POLDIP3: variants seen among roughly 807,000 people sequenced by gnomAD.
POLDIP3 encodes polymerase delta-interacting protein 3.
POLDIP3 carries 14 observed loss-of-function variants against 45.1 expected under a neutral mutation model. The observed-to-expected ratio is 0.31, with a 90% confidence interval of 0.20 to 0.49. The LOEUF (loss-of-function observed/expected upper bound fraction) is 0.49. Among genes scored for constraint, POLDIP3 ranks in the 20% least tolerant of loss-of-function variants. The pLI is 0.99. For synonymous variants in POLDIP3, 223 were observed against 205.2 expected (o/e 1.09, Z -0.74); for missense variants, 511 against 538.8 (o/e 0.95, Z 0.51).
At chr22:42,602,731 C>T (rs754330732) in intron 2 of POLDIP3, 39 bp downstream of exon 2, 17 of 1,553,580 alleles carry the variant, frequency 1.1e-5, no homozygotes, top group African/African-American at 2.7e-5. Context: ...ACCTTTGTTA[C>T]TAGCTTTCTG....
chr22:42,608,188 G>A (rs1221126688), intron 1 of POLDIP3, among the ~76,000 whole-genome samples: 1 of 151,944 alleles, frequency 6.6e-6, no homozygotes, highest in African/African-American at 2.4e-5. Flanking sequence ...AGACGTGGGA[G>A]ACTTCATTTT....
chr22:42,590,906 T>C (rs921578193), intron 7 of POLDIP3, among the ~76,000 whole-genome samples: 1 of 151,962 alleles, frequency 6.6e-6, no homozygotes, highest in Non-Finnish European at 1.5e-5. Context: ...ACCCTATCTC[T>C]ACTAAAAATA....
intron 4 of POLDIP3, among the ~76,000 whole-genome samples, chr22:42,597,259 G>A (rs183511754): frequency 9.2e-5 from 14 of 152,348 alleles, no homozygotes; most frequent in Admixed American, 2.0e-4. Flanking sequence ...GCTGATTTAG[G>A]GCAGTGTTTA....
chr22:42,589,455 A>G (rs1231884964), intron 7 of POLDIP3, among the ~76,000 whole-genome samples: 2 of 152,204 alleles, frequency 1.3e-5, no homozygotes, highest in East Asian at 3.8e-4. Context: ...TATGCAAGTA[A>G]CAACAGAACC....
chr22:42,587,990 T>C (rs946987768), intron 7 of POLDIP3, among the ~76,000 whole-genome samples: 1 of 152,202 alleles, frequency 6.6e-6, no homozygotes, highest in Non-Finnish European at 1.5e-5. Flanking sequence ...TCCCACTGTA[T>C]ACAAAGCATA....
At chr22:42,603,684 G>A (rs536539962) in intron 1 of POLDIP3, 1 of 154,344 alleles carries the variant, frequency 6.5e-6, no homozygotes, top group Admixed American at 6.4e-5. Flanking sequence ...ACCATCTACT[G>A]GGCTAAGACC....
intron 6 of POLDIP3, among the ~76,000 whole-genome samples, 190 bp downstream of exon 6, chr22:42,595,347 T>C (rs567542102): frequency 6.5e-4 from 99 of 152,294 alleles, no homozygotes; most frequent in African/African-American, 2.3e-3. Context: ...TTGTGCCTCG[T>C]TTCCCCCCGA....
chr22:42,600,297 T>C (rs1485576572), intron 3 of POLDIP3, among the ~76,000 whole-genome samples: 1 of 152,178 alleles, frequency 6.6e-6, no homozygotes, highest in African/African-American at 2.4e-5. Context: ...ATGCTTGAGT[T>C]ACAAAGTGAA....
At chr22:42,612,594 C>T (rs915487946) in intron 1 of POLDIP3, among the ~76,000 whole-genome samples, 4 of 152,154 alleles carry the variant, frequency 2.6e-5, no homozygotes, top group Non-Finnish European at 4.4e-5. Flanking sequence ...TTTGGGAGGC[C>T]GAGCGGGTTC....
intron 1 of POLDIP3, among the ~76,000 whole-genome samples, chr22:42,605,630 T>C (rs536343987): frequency 2.0e-5 from 3 of 152,272 alleles, no homozygotes; most frequent in African/African-American, 7.2e-5. Flanking sequence ...ATTCCTGTCC[T>C]ATTTTTTTAA....
chr22:42,593,472 A>G (rs1448907668), intron 6 of POLDIP3, among the ~76,000 whole-genome samples: 1 of 152,230 alleles, frequency 6.6e-6, no homozygotes, highest in Non-Finnish European at 1.5e-5. Context: ...ACTGGCACAT[A>G]GCAAGTACTC....
Position 42,584,679 on chromosome 22 carries a change from G to A in POLDIP3, c.*1112C>T, listed in dbSNP as rs1174586546. 5.7e-6 allele frequency: 2 copies of A among 353,052 alleles called. No homozygotes were observed. Among genetic ancestry groups the A allele is most frequent in the East Asian group, 7.8e-5 (1 of 12,892 alleles). The allele number at this position is 353,052 out of a possible 1,614,324, so 21.9% of individuals were successfully genotyped here. On this transcript the variant is annotated 3_prime_UTR_variant, in exon 9 of 9. Coordinates refer to ENST00000252115, the MANE Select transcript of POLDIP3 (RefSeq NM_032311.5). ...CTGGGGAAACACCTTGCCTGGTAGA[G>A]CTGCCCTGCTCCCTTGACTCCTCCT... is the stretch of plus-strand genomic sequence containing the variant.
At chr22:42,601,942 C>G (rs1419269382) in intron 3 of POLDIP3, 28 bp downstream of exon 3, 9 of 1,598,336 alleles carry the variant, frequency 5.6e-6, no homozygotes, top group Non-Finnish European at 7.7e-6. Context: ...CACAGATTCT[C>G]TCTCTCTCTC....
At chr22:42,614,597 C>T (rs1464376539) in intron 1 of POLDIP3, among the ~76,000 whole-genome samples, 1 of 152,094 alleles carries the variant, frequency 6.6e-6, no homozygotes, top group Non-Finnish European at 1.5e-5. Flanking sequence ...CTCCCAGGGC[C>T]GCCAGAGGGA....
intron 3 of POLDIP3, among the ~76,000 whole-genome samples, 188 bp from the exon 4 acceptor site, chr22:42,599,981 G>A (rs1569300821): frequency 1.3e-5 from 2 of 152,126 alleles, no homozygotes; most frequent in Admixed American, 6.5e-5. Context: ...TGTCAGCAAG[G>A]ACCCAGTGAA....
chr22:42,587,853 A>G (rs1192065521), intron 7 of POLDIP3, among the ~76,000 whole-genome samples: 2 of 152,236 alleles, frequency 1.3e-5, no homozygotes, highest in African/African-American at 4.8e-5. Flanking sequence ...AACGAGACTC[A>G]ATGTGAAGCC....
intron 4 of POLDIP3, among the ~76,000 whole-genome samples, chr22:42,597,277 T>C (rs550969029): frequency 1.2e-4 from 18 of 152,346 alleles, no homozygotes; most frequent in African/African-American, 3.4e-4. Context: ...TTACAGGCAC[T>C]GACCCAGGGC....
At chr22:42,600,625 C>CA (rs531768394) in intron 3 of POLDIP3, among the ~76,000 whole-genome samples, 6,065 of 122,048 alleles carry the variant, frequency 0.05, 141 homozygotes, top group African/African-American at 0.076. Flanking sequence ...GACTCGGTCT[C>CA]AAAAAAAAAA....
rs756770568 is a variant in POLDIP3, at chr22:42,596,253, G to A, written c.746C>T (p.Ala249Val). Residue 249 changes from alanine (A) to valine (V), a missense_variant, in exon 5 of 9, where the codon GCC becomes GTC. Transcript: ENST00000252115. ...CAGTGTCCGGGACATGTTGGTCAAGGCTTTTGTTCGAATAGAGGAAGGGAG... is the reference window on the plus strand; with the variant it reads ...CAGTGTCCGGGACATGTTGGTCAAGACTTTTGTTCGAATAGAGGAAGGGAG... ...PALPSSIRTKALTNMSRTLVN... is the reference protein window; with the variant it reads ...PALPSSIRTKVLTNMSRTLVN... 1 of 1,614,214 alleles carries A rather than the reference G, an allele frequency of 6.2e-7. No individual in the cohort carries two copies. The highest frequency in any genetic ancestry group is 1.3e-5 in the African/African-American group (1 of 75,052).
Sources: allele counts gnomAD v4.1 joint callset (sites outside exome capture counted in the v4.1 genomes callset), GRCh38; gene constraint gnomAD v4.1.1; transcripts MANE v1.5; gene names NCBI Gene and HGNC (gene_info 2026-07-23, HGNC 2026-07-21).